Variants in CREB5 observed in about 807,000 individuals in gnomAD.
CREB5 encodes the protein cAMP responsive element binding protein 5, also known as cyclic AMP-responsive element-binding protein 5.
CREB5 carries 19 observed loss-of-function variants against 57.1 expected under a neutral mutation model. The ratio of observed to expected loss-of-function variants is 0.33; its 90% CI spans 0.23 to 0.49. The LOEUF is 0.49. Ranked by LOEUF, CREB5 falls within the 20% of genes least tolerant of loss-of-function variation. The pLI is 0.99. For missense variants in CREB5, 579 were observed against 671.6 expected, an observed-to-expected ratio of 0.86 and a Z score of 1.52; for synonymous variants, 238 against 238.3, an observed-to-expected ratio of 1.00 and a Z score of 0.01.
At chr7:28,560,859 C>CGTGT (rs71555750) in intron 4 of CREB5, among the ~76,000 whole-genome samples, 3 of 32,724 alleles carry the variant, frequency 9.2e-5, no homozygotes, top group Non-Finnish European at 1.3e-4. Flanking sequence ...TGTGTGTGTG[C>CGTGT]GTGTGCCTGC....
chr7:28,759,864 T>C (rs1467067531), intron 7 of CREB5, among the ~76,000 whole-genome samples: 2 of 152,230 alleles, frequency 1.3e-5, no homozygotes, highest in South Asian at 2.1e-4. Context: ...GTCTGTGGTA[T>C]GCCGTGGTTG....
At chr7:28,498,843 G>T (rs60030925) in intron 3 of CREB5, among the ~76,000 whole-genome samples, 31,335 of 152,070 alleles carry the variant, frequency 0.21, 3,615 homozygotes, top group African/African-American at 0.31. Flanking sequence ...TGTGATGATA[G>T]ATGTGAATCA....
At chr7:28,413,337 A>T (rs1289588581) in intron 1 of CREB5, among the ~76,000 whole-genome samples, 1 of 152,164 alleles carries the variant, frequency 6.6e-6, no homozygotes, top group African/African-American at 2.4e-5. Flanking sequence ...AGTTTTCCGC[A>T]TTCAAACCTA....
Position 28,819,614 on chromosome 7 carries a change from C to CTTGTTAA in CREB5, c.*336_*342dup. 5.4e-6 allele frequency: 1 copy of CTTGTTAA among 184,708 alleles called. No homozygotes were observed. The highest frequency in any genetic ancestry group is 1.1e-5 in the Non-Finnish European group (1 of 88,126). The allele number at this position is 184,708 out of a possible 1,614,324, so 11.4% of individuals were successfully genotyped here. ...CAACCCTTTGCCTGAAACATTGAAT[C>CTTGTTAA]TTGTTAAACCACAGCTTTTAGCTAA... On this transcript the variant is annotated 3_prime_UTR_variant, in exon 11 of 11. Transcript: ENST00000357727.
intron 4 of CREB5, among the ~76,000 whole-genome samples, chr7:28,519,433 C>T (rs1793112549): frequency 6.6e-6 from 1 of 152,204 alleles, no homozygotes; most frequent in South Asian, 2.1e-4. Flanking sequence ...CAGATAATTG[C>T]TATCAAAGTA....
intron 4 of CREB5, among the ~76,000 whole-genome samples, chr7:28,568,776 A>G (rs1323450929): frequency 6.6e-6 from 1 of 152,188 alleles, no homozygotes; most frequent in African/African-American, 2.4e-5. Flanking sequence ...GGATTTAGAA[A>G]TCAGAAACCT....
At chr7:28,722,936 T>C (rs1803123086) in intron 6 of CREB5, among the ~76,000 whole-genome samples, 1 of 152,176 alleles carries the variant, frequency 6.6e-6, no homozygotes, top group African/African-American at 2.4e-5. Flanking sequence ...ACAACAGAAA[T>C]TGCAGTCATG....
In CREB5 at chr7:28,461,912, T is replaced by C. The variant is rs144028480; in HGVS notation, c.4-26263T>C. Among the ~76,000 whole-genome samples, 217 of 152,288 alleles carry C rather than the reference T, an allele frequency of 1.4e-3. 1 individual carries two copies. The highest frequency in any genetic ancestry group is 5.1e-3 in the African/African-American group (210 of 41,572). The stretch of plus-strand genomic sequence containing the variant: ...TATATATGTCAGCTTTATTGAGATA[T>C]AATTCACGTATCATACAATATGCTC... On this transcript the variant is annotated intron_variant, in intron 1 of 10. Transcript: ENST00000357727.
chr7:28,551,372 TC>T (rs1794635458), intron 4 of CREB5, among the ~76,000 whole-genome samples: 1 of 152,092 alleles, frequency 6.6e-6, no homozygotes, highest in African/African-American at 2.4e-5. Flanking sequence ...CAAGCTTCCT[TC>T]CCCTTCTTTT....
intron 1 of CREB5, among the ~76,000 whole-genome samples, chr7:28,479,725 A>T (rs1162183554): frequency 6.6e-6 from 1 of 152,158 alleles, no homozygotes; most frequent in African/African-American, 2.4e-5. Flanking sequence ...GGGTCGTGGG[A>T]AAAAAGCACC....
chr7:28,672,821 A>C lies in CREB5; in HGVS notation c.465-45932A>C, dbSNP rs543966389. Reference sequence around the variant, plus strand: ...CCTAGTTCAGTTTTTTCACCTGCAGAATGAGGAAATTTGGACTTTAAAATT... The same window carrying C: ...CCTAGTTCAGTTTTTTCACCTGCAGCATGAGGAAATTTGGACTTTAAAATT... On this transcript the variant is annotated intron_variant, in intron 5 of 10. Coordinates refer to ENST00000357727, the MANE Select transcript of CREB5 (RefSeq NM_182898.4). Among the ~76,000 whole-genome samples the C allele has an allele frequency of 7.9e-5, 12 of 152,332 alleles. No homozygotes were observed. In the East Asian group the frequency reaches 2.1e-3, roughly 27 times the overall value.
chr7:28,385,687 A>G (rs144330772), intron 1 of CREB5, among the ~76,000 whole-genome samples: 3 of 152,062 alleles, frequency 2.0e-5, no homozygotes, highest in African/African-American at 7.2e-5. Flanking sequence ...AAAAAAAAAA[A>G]AGTATGTATA....
chr7:28,360,964 G>C (rs1786463826), intron 1 of CREB5, among the ~76,000 whole-genome samples: 1 of 152,086 alleles, frequency 6.6e-6, no homozygotes, highest in South Asian at 2.1e-4. Flanking sequence ...CTGAGGGGCA[G>C]GGTGCTACCA....
chr7:28,310,201 G>C (rs1161721004), intron 1 of CREB5, among the ~76,000 whole-genome samples: 2 of 152,126 alleles, frequency 1.3e-5, no homozygotes, highest in Admixed American at 6.5e-5. Flanking sequence ...GGAGTAGTGG[G>C]GGGTGAGGCT....
At chr7:28,391,179 T>C (rs1047023583) in intron 1 of CREB5, among the ~76,000 whole-genome samples, 1 of 152,236 alleles carries the variant, frequency 6.6e-6, no homozygotes, top group African/African-American at 2.4e-5. Flanking sequence ...CTATTTCAAA[T>C]TAATATTACA....
At chr7:28,494,646 T>C (rs1212140136) in intron 2 of CREB5, among the ~76,000 whole-genome samples, 1 of 152,208 alleles carries the variant, frequency 6.6e-6, no homozygotes, top group Non-Finnish European at 1.5e-5. Flanking sequence ...AGTTAACCCC[T>C]TTGGTAAACT....
intron 3 of CREB5, among the ~76,000 whole-genome samples, chr7:28,504,096 T>C (rs1792380571): frequency 6.6e-6 from 1 of 152,234 alleles, no homozygotes; most frequent in African/African-American, 2.4e-5. Context: ...GGCTTAACTT[T>C]TGTTTTAACA....
chr7:28,773,885 C>A (rs927362400), intron 7 of CREB5, among the ~76,000 whole-genome samples: 2 of 152,132 alleles, frequency 1.3e-5, no homozygotes, highest in Non-Finnish European at 2.9e-5. Context: ...CTTTTCCTAG[C>A]GTCCTTCATT....
chr7:28,678,703 T>C (rs79628046), intron 5 of CREB5, among the ~76,000 whole-genome samples: 2,364 of 152,294 alleles, frequency 0.016, 28 homozygotes, highest in Middle Eastern at 0.054. Flanking sequence ...TTCACCCTTA[T>C]CAAAACCAAC....
Sources: allele counts gnomAD v4.1 joint callset (sites outside exome capture counted in the v4.1 genomes callset), GRCh38; gene constraint gnomAD v4.1.1; transcripts MANE v1.5; gene names NCBI Gene and HGNC (gene_info 2026-07-23, HGNC 2026-07-21).